Variants in DACH2 observed in about 807,000 individuals in gnomAD.
DACH2 encodes the protein dachshund homolog 2.
A neutral mutation model predicts 35.8 loss-of-function variants in DACH2; 17 were observed. The ratio of observed to expected loss-of-function variants is 0.48; its 90% CI spans 0.33 to 0.71. DACH2 has a LOEUF of 0.71. Ranked by LOEUF, DACH2 falls within the 30% of genes least tolerant of loss-of-function variation. The probability of loss-of-function intolerance (pLI) is 0.02; values close to 1 mark genes in which losing one functional copy is unlikely to be tolerated. For missense variants in DACH2, 469 were observed against 472.7 expected, an observed-to-expected ratio of 0.99 and a Z score of 0.07; for synonymous variants, 195 against 177.3, an observed-to-expected ratio of 1.10 and a Z score of -0.79.
chrX:86,382,275 A>C (rs1022906645), intron 2 of DACH2, among the ~76,000 whole-genome samples: 1 of 109,613 alleles, frequency 9.1e-6, no homozygotes, highest in African/African-American at 3.3e-5. Context: ...TTTTATTTGA[A>C]AGATCTGGAT....
intron 2 of DACH2, among the ~76,000 whole-genome samples, chrX:86,505,660 G>A (rs192600991): frequency 1.4e-4 from 16 of 111,825 alleles, no homozygotes; most frequent in African/African-American, 3.6e-4. Context: ...TGAAACCAGT[G>A]TTTAGATATA....
intron 1 of DACH2, among the ~76,000 whole-genome samples, chrX:86,194,962 T>G (rs2031938430): frequency 8.9e-6 from 1 of 112,581 alleles, no homozygotes; most frequent in Non-Finnish European, 1.9e-5. Flanking sequence ...ACTTTGGTTC[T>G]CTGGGGGCCC....
At chrX:86,407,803 G>A (rs2036549070) in intron 2 of DACH2, among the ~76,000 whole-genome samples, 2 of 112,229 alleles carry the variant, frequency 1.8e-5, no homozygotes, top group Non-Finnish European at 3.8e-5. Context: ...TGGTTCTTCA[G>A]AAGAATCTGT....
chrX:86,476,796 TTCTC>T (rs1422571025), intron 2 of DACH2, among the ~76,000 whole-genome samples: 1 of 111,611 alleles, frequency 9.0e-6, no homozygotes, highest in African/African-American at 3.3e-5. Context: ...AGCTGTATAC[TTCTC>T]TCTTAGTATT....
intron 3 of DACH2, among the ~76,000 whole-genome samples, chrX:86,548,343 A>G (rs2039003633): frequency 8.9e-6 from 1 of 111,964 alleles, no homozygotes; most frequent in African/African-American, 3.2e-5. Context: ...GAAAGAAAAG[A>G]TTAAATAAGA....
At chrX:86,783,194 T>C (rs1009886096) in intron 7 of DACH2, among the ~76,000 whole-genome samples, 1 of 111,888 alleles carries the variant, frequency 8.9e-6, no homozygotes, top group Non-Finnish European at 1.9e-5. Context: ...ATCAGAGAAA[T>C]GCAAATCAAA....
In DACH2 at chrX:86,674,383, T is replaced by G. The variant is rs148293012; in HGVS notation, c.773-20638T>G. Among the ~76,000 whole-genome samples the G allele has an allele frequency of 1.9e-3, 216 of 112,683 alleles. 6 individuals carry two copies. In the East Asian group the frequency reaches 0.043, roughly 22 times the overall value. ...TCAAGAAATAAGCAGTGATTAGAAC[T>G]TGAACTACAAATATTCAAATGTTCT... On this transcript the variant is annotated intron_variant, in intron 4 of 11. Coordinates refer to ENST00000373125, the MANE Select transcript of DACH2 (RefSeq NM_053281.3).
intron 7 of DACH2, among the ~76,000 whole-genome samples, chrX:86,790,008 T>A (rs1440113778): frequency 1.8e-5 from 2 of 112,075 alleles, no homozygotes; most frequent in Admixed American, 1.9e-4. Context: ...ACTATGAAAA[T>A]TATTTTATTT....
intron 6 of DACH2, among the ~76,000 whole-genome samples, chrX:86,726,508 A>G (rs1463203273): frequency 2.7e-5 from 3 of 111,270 alleles, no homozygotes; most frequent in African/African-American, 6.5e-5. Flanking sequence ...GTGTGGGAGC[A>G]TTCAGTTTCC....
At chrX:86,424,044 T>C (rs914327860) in intron 2 of DACH2, among the ~76,000 whole-genome samples, 1 of 111,187 alleles carries the variant, frequency 9.0e-6, no homozygotes, top group Non-Finnish European at 1.9e-5. Context: ...TTACTATATA[T>C]GTCAGTTTTT....
At chrX:86,725,680 C>A (rs10127022) in intron 6 of DACH2, among the ~76,000 whole-genome samples, 14,693 of 110,471 alleles carry the variant, frequency 0.13, 788 homozygotes, top group East Asian at 0.32. Context: ...GTGGGCCATG[C>A]ATTTGGGCAG....
At chrX:86,596,879 G>T (rs946096681) in intron 3 of DACH2, among the ~76,000 whole-genome samples, 22 of 111,382 alleles carry the variant, frequency 2.0e-4, no homozygotes, top group Admixed American at 9.6e-5. Flanking sequence ...ACCACTTGTT[G>T]AAGCAACTGT....
rs1027486952 is a variant in DACH2, at chrX:86,798,896, C to T, written c.1241-13960C>T. On this transcript the variant is annotated intron_variant, in intron 7 of 11. Transcript: ENST00000373125. ...GCAAAGGCTCATCTCCTTGTTGTAT[C>T]TCTAAGTGCTTCCATAATTGACTGG... 4 of 162,028 alleles carry T rather than the reference C, an allele frequency of 2.5e-5. No individual in the cohort carries two copies. The Admixed American group carries it at 3.4e-4, about 14-fold the overall frequency. 13.4% of individuals were successfully genotyped at this position (162,028 alleles called of 1,213,427 possible).
intron 2 of DACH2, among the ~76,000 whole-genome samples, chrX:86,401,942 TC>T (rs1401508791): frequency 1.1e-4 from 12 of 111,677 alleles, no homozygotes; most frequent in African/African-American, 3.9e-4. Context: ...AACTATATGA[TC>T]ATATCAATAG....
At chrX:86,716,188 A>G (rs757768856) in intron 6 of DACH2, among the ~76,000 whole-genome samples, 17 of 111,712 alleles carry the variant, frequency 1.5e-4, no homozygotes, top group South Asian at 3.7e-4. Context: ...ATTAAAGGGT[A>G]AAAATAAAGC....
chrX:86,166,546 G>A (rs2030950485), intron 1 of DACH2, among the ~76,000 whole-genome samples: 1 of 110,755 alleles, frequency 9.0e-6, no homozygotes. Context: ...TAATTTGGCT[G>A]CCCTTTATAT....
At chrX:86,182,055 G>C (rs982264818) in intron 1 of DACH2, among the ~76,000 whole-genome samples, 12 of 111,584 alleles carry the variant, frequency 1.1e-4, no homozygotes, top group African/African-American at 3.6e-4. Context: ...TTGCAAATTT[G>C]TTTAAGTTCC....
At chrX:86,732,892 G>C (rs2041547479) in intron 6 of DACH2, among the ~76,000 whole-genome samples, 1 of 111,157 alleles carries the variant, frequency 9.0e-6, no homozygotes, top group African/African-American at 3.3e-5. Context: ...TGGGACAAAG[G>C]GAGGCCCCAC....
intron 2 of DACH2, among the ~76,000 whole-genome samples, chrX:86,477,344 A>C (rs1415570327): frequency 1.4e-5 from 1 of 70,728 alleles, no homozygotes; most frequent in African/African-American, 5.9e-5. Context: ...GAGTGCATAT[A>C]TATATATATA....
Sources: gnomAD v4.1 joint callset for allele counts (sites outside exome capture counted in the v4.1 genomes callset) on GRCh38, gnomAD v4.1.1 for gene constraint, MANE v1.5 for transcripts, NCBI Gene and HGNC (gene_info 2026-07-23, HGNC 2026-07-21) for gene names.